Variants in SLC24A2 observed in about 807,000 individuals in gnomAD.
The protein encoded by SLC24A2 is sodium/potassium/calcium exchanger 2.
Under a neutral mutation model 62.0 loss-of-function variants are expected in SLC24A2, and 36 were observed. The observed-to-expected ratio is 0.58, with a 90% CI of 0.44 to 0.77. The LOEUF (loss-of-function observed/expected upper bound fraction) is 0.77, where lower values mean the gene tolerates loss of function less well. Ranked by LOEUF, SLC24A2 falls within the 30% of genes least tolerant of loss-of-function variation. The pLI is 0.00. For synonymous variants in SLC24A2, 358 were observed against 294.0 expected, an observed-to-expected ratio of 1.22 and a Z score of -2.23; for missense variants, 846 against 817.9, an observed-to-expected ratio of 1.03 and a Z score of -0.42.
chr9:19,919,189 T>A, the SLC24A2 span, among the ~76,000 whole-genome samples: 1 of 152,184 alleles, frequency 6.6e-6, no homozygotes, highest in Non-Finnish European at 1.5e-5. Flanking sequence ...TGGGAAAGAA[T>A]AGTGCTGGCT....
chr9:19,874,161 C>A, the SLC24A2 span, among the ~76,000 whole-genome samples: 10 of 148,410 alleles, frequency 6.7e-5, no homozygotes, highest in South Asian at 6.4e-4. Flanking sequence ...CTCACTGCAA[C>A]CTCTTTCTCC....
the SLC24A2 span, among the ~76,000 whole-genome samples, chr9:20,122,126 A>C: frequency 6.6e-6 from 1 of 152,204 alleles, no homozygotes. Flanking sequence ...ACAAAATGAA[A>C]ATAAGGGTCT....
chr9:19,516,253 T>C lies in SLC24A2; in HGVS notation c.1886A>G (p.Asn629Ser). 1 of 1,614,154 alleles carries C rather than the reference T, an allele frequency of 6.2e-7. No individual in the cohort carries two copies. The highest frequency in any genetic ancestry group is 8.5e-7 in the Non-Finnish European group (1 of 1,180,028). ...AAACATGATGAAGCCCAGGATTTTG[T>C]TCATTCGCCACTTGCAGAGGGCGAT... ...LSIALCKWRM[N>S]KILGFIMFGL... Residue 629 changes from asparagine to serine, a missense_variant, in exon 11 of 11, where the codon AAC becomes AGC. Asn to Ser is a conservative substitution (Grantham distance 46). Coordinates refer to ENST00000341998, the MANE Select transcript of SLC24A2 (RefSeq NM_020344.4).
chr9:19,539,363 C>T (rs1336006428), intron 8 of SLC24A2, among the ~76,000 whole-genome samples: 2 of 150,072 alleles, frequency 1.3e-5, no homozygotes, highest in Non-Finnish European at 3.0e-5. Context: ...TTTCCCTCTA[C>T]ACACTGCTTT....
At chr9:20,192,026 T>C in the SLC24A2 span, among the ~76,000 whole-genome samples, 1 of 152,108 alleles carries the variant, frequency 6.6e-6, no homozygotes, top group South Asian at 2.1e-4. Context: ...AAGGGAGAGG[T>C]GCAGATCAGT....
the SLC24A2 span, among the ~76,000 whole-genome samples, chr9:20,180,668 T>G: frequency 6.6e-6 from 1 of 152,162 alleles, no homozygotes; most frequent in African/African-American, 2.4e-5. Context: ...GCCTAAAGAC[T>G]TGGGCATAAG....
At chr9:20,254,507 A>T in the SLC24A2 span, among the ~76,000 whole-genome samples, 1 of 152,208 alleles carries the variant, frequency 6.6e-6, no homozygotes, top group African/African-American at 2.4e-5. Flanking sequence ...CAGACTGATA[A>T]GAATACAGGC....
chr9:19,643,979 A>T (rs1376824762), intron 2 of SLC24A2, among the ~76,000 whole-genome samples: 1 of 152,238 alleles, frequency 6.6e-6, no homozygotes, highest in African/African-American at 2.4e-5. Flanking sequence ...TCTTATTTGT[A>T]AAAGTAAGTT....
the SLC24A2 span, among the ~76,000 whole-genome samples, chr9:20,139,473 C>G: frequency 2.0e-5 from 3 of 152,182 alleles, no homozygotes; most frequent in African/African-American, 7.2e-5. Flanking sequence ...TTACCGGGCT[C>G]TCTCCCCTTT....
the SLC24A2 span, among the ~76,000 whole-genome samples, chr9:20,265,423 A>C: frequency 1.3e-5 from 2 of 152,210 alleles, no homozygotes; most frequent in Admixed American, 1.3e-4. Context: ...TCCCCAAATT[A>C]ATACTTTTAT....
chr9:19,702,804 T>A (rs1038430937), intron 2 of SLC24A2, among the ~76,000 whole-genome samples: 2 of 152,160 alleles, frequency 1.3e-5, no homozygotes, highest in African/African-American at 4.8e-5. Flanking sequence ...GAACTTCATA[T>A]CACTACCATA....
chr9:19,646,611 T>C (rs1818644043), intron 2 of SLC24A2, among the ~76,000 whole-genome samples: 1 of 152,198 alleles, frequency 6.6e-6, no homozygotes, highest in African/African-American at 2.4e-5. Context: ...AAGATTTTGA[T>C]GGATAATAAC....
chr9:19,524,727 G>C (rs1833357528), intron 9 of SLC24A2, among the ~76,000 whole-genome samples: 1 of 152,148 alleles, frequency 6.6e-6, no homozygotes, highest in South Asian at 2.1e-4. Flanking sequence ...TCCATTTATG[G>C]CTTTCATTCG....
the SLC24A2 span, among the ~76,000 whole-genome samples, chr9:19,821,942 G>A: frequency 6.6e-6 from 1 of 152,092 alleles, no homozygotes. Context: ...AAAAAAGAAT[G>A]TGATATCAAT....
intron 2 of SLC24A2, among the ~76,000 whole-genome samples, chr9:19,650,535 G>C (rs1169107457): frequency 6.6e-6 from 1 of 152,162 alleles, no homozygotes; most frequent in African/African-American, 2.4e-5. Flanking sequence ...TCCCATCCCA[G>C]AGAAACAGCT....
At chr9:19,775,518 G>T (rs1587308974) in intron 2 of SLC24A2, among the ~76,000 whole-genome samples, 1 of 152,200 alleles carries the variant, frequency 6.6e-6, no homozygotes, top group African/African-American at 2.4e-5. Context: ...GGACATAGAT[G>T]GTGTGTGTGC....
At chr9:19,671,957 G>A (rs1336023609) in intron 2 of SLC24A2, among the ~76,000 whole-genome samples, 1 of 146,044 alleles carries the variant, frequency 6.8e-6, no homozygotes, top group East Asian at 1.9e-4. Context: ...TGGTTAGCTA[G>A]TATTTTGTTA....
chr9:20,121,255 T>C, the SLC24A2 span, among the ~76,000 whole-genome samples: 28 of 151,804 alleles, frequency 1.8e-4, no homozygotes, highest in East Asian at 2.5e-3. Flanking sequence ...CCATGAACTT[T>C]GTATAGCTGT....
chr9:20,279,194 G>C, the SLC24A2 span, among the ~76,000 whole-genome samples: 11 of 152,302 alleles, frequency 7.2e-5, no homozygotes, highest in East Asian at 2.1e-3. Context: ...TTTAAGATGA[G>C]ATTTGGATGG....
Sources: allele counts gnomAD v4.1 joint callset (sites outside exome capture counted in the v4.1 genomes callset), GRCh38; gene constraint gnomAD v4.1.1; transcripts MANE v1.5; gene names NCBI Gene and HGNC (gene_info 2026-07-23, HGNC 2026-07-21).